The following PCDH11X variants were observed in gnomAD, a reference collection of about 807,000 sequenced individuals.
PCDH11X encodes the protein protocadherin-11 X-linked.
In PCDH11X, 18 loss-of-function variants were observed where a neutral mutation model predicts 53.3. The observed-to-expected ratio is 0.34, with a 90% CI of 0.23 to 0.50. The LOEUF (loss-of-function observed/expected upper bound fraction) is 0.50, where lower values mean the gene tolerates loss of function less well. Ranked by LOEUF, PCDH11X falls within the 20% of genes least tolerant of loss-of-function variation. The pLI is 0.98. For missense variants in PCDH11X, 570 were observed against 1,032.4 expected, an observed-to-expected ratio of 0.55 and a Z score of 6.14; for synonymous variants, 279 against 393.3, an observed-to-expected ratio of 0.71 and a Z score of 3.44.
intron 1 of PCDH11X, among the ~76,000 whole-genome samples, chrX:91,801,799 T>A (rs968490331): frequency 5.4e-5 from 6 of 112,136 alleles, no homozygotes; most frequent in Admixed American, 2.8e-4. Context: ...CCTCCAGGTG[T>A]TACATATGAC....
intron 7 of PCDH11X, among the ~76,000 whole-genome samples, chrX:92,233,212 G>A (rs1389226305): frequency 1.8e-5 from 2 of 110,306 alleles, no homozygotes; most frequent in African/African-American, 3.3e-5. Flanking sequence ...TTGTAATAAC[G>A]TTTTATCTCA....
chrX:92,285,922 G>T (rs1445756882), intron 8 of PCDH11X, among the ~76,000 whole-genome samples: 1 of 112,146 alleles, frequency 8.9e-6, no homozygotes, highest in Non-Finnish European at 1.9e-5. Context: ...GGGATGGGCC[G>T]AAACAAAGGA....
intron 6 of PCDH11X, among the ~76,000 whole-genome samples, chrX:92,017,381 C>T (rs1422845448): frequency 2.7e-5 from 3 of 109,802 alleles, no homozygotes; most frequent in Non-Finnish European, 3.8e-5. Context: ...TGAAAAAGAG[C>T]GCTGATCACA....
intron 6 of PCDH11X, among the ~76,000 whole-genome samples, chrX:91,904,774 A>G (rs771117455): frequency 9.1e-6 from 1 of 110,326 alleles, no homozygotes; most frequent in Non-Finnish European, 1.9e-5. Context: ...ATATTAATGA[A>G]TGGTTTTATT....
chrX:91,991,379 G>A lies in PCDH11X; in HGVS notation c.3033+112106G>A, dbSNP rs1158953143. Among the ~76,000 whole-genome samples, 3 of 79,221 alleles carry A rather than the reference G, an allele frequency of 3.8e-5. No homozygotes were observed. In the South Asian group the frequency reaches 2.3e-3, roughly 60 times the overall value. The allele number at this position is 79,221 out of a possible 115,157, so 68.8% of individuals were successfully genotyped here. A position where few individuals can be genotyped will look rare whatever the true frequency, so the allele number is the denominator to read the frequency against. Reference sequence around the variant, plus strand: ...TTTTTTTTTTTTTTTTGGTCTGTTGGTGCTTCCAGGTTACTGGCTTTTCCA... The same window carrying A: ...TTTTTTTTTTTTTTTTGGTCTGTTGATGCTTCCAGGTTACTGGCTTTTCCA... On this transcript the variant is annotated intron_variant, in intron 6 of 10. Transcript: ENST00000682573.
At chrX:91,969,673 C>T (rs1185144028) in intron 6 of PCDH11X, among the ~76,000 whole-genome samples, 1 of 108,113 alleles carries the variant, frequency 9.2e-6, no homozygotes, top group African/African-American at 3.4e-5. Flanking sequence ...TGGTATGCTC[C>T]TGTGTCCCAA....
chrX:92,170,877 T>G (rs1282769475), intron 6 of PCDH11X, among the ~76,000 whole-genome samples: 23 of 88,935 alleles, frequency 2.6e-4, no homozygotes, highest in African/African-American at 8.2e-4. Flanking sequence ...TTGCAACCTC[T>G]CCCTCCCGAG....
chrX:92,470,338 C>A (rs1388355353), intron 10 of PCDH11X, among the ~76,000 whole-genome samples: 6 of 100,229 alleles, frequency 6.0e-5, no homozygotes, highest in Non-Finnish European at 1.2e-4. Context: ...CAGTTCTAAT[C>A]ATTTTCTTGT....
intron 9 of PCDH11X, among the ~76,000 whole-genome samples, chrX:92,454,012 C>A (rs1215574650): frequency 2.0e-5 from 2 of 102,213 alleles, no homozygotes; most frequent in Admixed American, 1.1e-4. Flanking sequence ...AAAAATGTCA[C>A]CTCACCTGCC....
At chrX:92,404,570 A>C (rs1475305868) in intron 9 of PCDH11X, among the ~76,000 whole-genome samples, 1 of 109,371 alleles carries the variant, frequency 9.1e-6, no homozygotes, top group Non-Finnish European at 1.9e-5. Context: ...TGTACCTTCA[A>C]GTTTTGATAT....
At chrX:92,019,571 C>T (rs190259287) in intron 6 of PCDH11X, among the ~76,000 whole-genome samples, 2 of 111,727 alleles carry the variant, frequency 1.8e-5, no homozygotes, top group African/African-American at 3.2e-5. Context: ...TAAAACCATA[C>T]GATTACATGG....
intron 5 of PCDH11X, among the ~76,000 whole-genome samples, chrX:91,850,875 A>C (rs1937969512): frequency 1.8e-5 from 2 of 110,559 alleles, no homozygotes; most frequent in African/African-American, 3.3e-5. Flanking sequence ...TTAAACTAAA[A>C]ACTCCTTCTG....
chrX:92,079,646 T>C lies in PCDH11X; in HGVS notation c.3034-121729T>C, dbSNP rs946450530. Among the ~76,000 whole-genome samples the C allele has an allele frequency of 1.3e-4, 15 of 111,602 alleles. No homozygotes were observed. In the East Asian group the frequency reaches 1.7e-3, roughly 13 times the overall value. On this transcript the variant is annotated intron_variant, in intron 6 of 10. Coordinates refer to ENST00000682573, the MANE Select transcript of PCDH11X (RefSeq NM_032968.5). ...CTTTAATTTGATAATCTATGTGAGA[T>C]ATGTGTACATATGTACATGTTTCCC... is the stretch of plus-strand genomic sequence containing the variant.
At chrX:91,970,259 G>C (rs1374739538) in intron 6 of PCDH11X, among the ~76,000 whole-genome samples, 1 of 111,440 alleles carries the variant, frequency 9.0e-6, no homozygotes. Flanking sequence ...AAGGGGACCT[G>C]AGCGGGTTGC....
At chrX:92,587,016 G>A (rs34659622) in intron 10 of PCDH11X, among the ~76,000 whole-genome samples, 11 of 95,165 alleles carry the variant, frequency 1.2e-4, no homozygotes, top group East Asian at 3.2e-4. Context: ...TTAGCATGTC[G>A]GTTACAACCT....
Position 92,508,313 on chromosome X carries a change from T to C in PCDH11X, c.3367+39991T>C, listed in dbSNP as rs780295063. On this transcript the variant is annotated intron_variant, in intron 10 of 10. Coordinates refer to ENST00000682573, the MANE Select transcript of PCDH11X (RefSeq NM_032968.5). ...ATCTAGGCTCACTGCAACCTCTGCC[T>C]CCTGGGTTCAAGTGATTCTTTGCCT... Among the ~76,000 whole-genome samples the C allele has an allele frequency of 6.3e-5, 7 of 110,256 alleles. No individual in the cohort carries two copies. The South Asian group carries it at 2.8e-3, about 44-fold the overall frequency.
intron 8 of PCDH11X, among the ~76,000 whole-genome samples, chrX:92,344,059 T>C (rs2069831076): frequency 9.1e-6 from 1 of 109,597 alleles, no homozygotes; most frequent in South Asian, 3.9e-4. Flanking sequence ...ATGAATAATT[T>C]GTGATTTACA....
intron 6 of PCDH11X, chrX:92,114,546 T>C (rs2064596551): frequency 2.4e-6 from 1 of 422,913 alleles, no homozygotes. Context: ...TGGAGAGGTG[T>C]ATTACAAATT....
chrX:92,535,983 C>T (rs1022551196), intron 10 of PCDH11X, among the ~76,000 whole-genome samples: 2 of 106,991 alleles, frequency 1.9e-5, no homozygotes, highest in African/African-American at 6.8e-5. Flanking sequence ...TTTTGTTTTA[C>T]GGGGTTTGAT....
Sources: allele counts gnomAD v4.1 joint callset (sites outside exome capture counted in the v4.1 genomes callset), GRCh38; gene constraint gnomAD v4.1.1; transcripts MANE v1.5; gene names NCBI Gene and HGNC (gene_info 2026-07-23, HGNC 2026-07-21).